The following NR6A1 variants were observed in gnomAD, a reference collection of about 807,000 sequenced individuals.
NR6A1 encodes the protein nuclear receptor subfamily 6 group A member 1.
NR6A1 carries 7 observed loss-of-function variants against 59.1 expected under a neutral mutation model. The ratio of observed to expected loss-of-function variants is 0.12; its 90% CI spans 0.07 to 0.22. The LOEUF is 0.22. NR6A1 is among the 10% of genes least tolerant of loss of function. The pLI is 1.00. For missense variants in NR6A1, 468 were observed against 611.6 expected (o/e 0.77, Z 2.48); for synonymous variants, 243 against 236.1 (o/e 1.03, Z -0.27).
chr9:124,523,510 A>G (rs1832850033), intron 9 of NR6A1, among the ~76,000 whole-genome samples: 1 of 150,882 alleles, frequency 6.6e-6, no homozygotes, highest in South Asian at 2.1e-4. Context: ...GGTGCAACTC[A>G]AACATTGATT....
At chr9:124,750,780 A>T (rs1457401165) in intron 1 of NR6A1, among the ~76,000 whole-genome samples, 2 of 152,102 alleles carry the variant, frequency 1.3e-5, no homozygotes, top group Non-Finnish European at 2.9e-5. Flanking sequence ...ATAAATAAAT[A>T]AATAAAAATC....
At chr9:124,738,877 C>G (rs1588843279) in intron 1 of NR6A1, among the ~76,000 whole-genome samples, 1 of 152,008 alleles carries the variant, frequency 6.6e-6, no homozygotes, top group Non-Finnish European at 1.5e-5. Flanking sequence ...GTGGCGCATG[C>G]TGTAGTCCTA....
At chr9:124,564,239 C>T (rs532057783) in intron 2 of NR6A1, among the ~76,000 whole-genome samples, 11 of 152,032 alleles carry the variant, frequency 7.2e-5, no homozygotes, top group African/African-American at 2.4e-4. Flanking sequence ...TCTGAAGAAA[C>T]CTATACCAAC....
At chr9:124,629,648 T>C (rs369354488) in intron 2 of NR6A1, among the ~76,000 whole-genome samples, 12 of 152,182 alleles carry the variant, frequency 7.9e-5, no homozygotes, top group African/African-American at 2.7e-4. Flanking sequence ...CCTCTCACTT[T>C]CTTGAGGTGT....
chr9:124,587,270 T>G (rs1834963503), intron 2 of NR6A1, among the ~76,000 whole-genome samples: 1 of 152,234 alleles, frequency 6.6e-6, no homozygotes, highest in South Asian at 2.1e-4. Context: ...AACTTTTATA[T>G]GCACTGAGAA....
chr9:124,649,227 C>A (rs2130917907), intron 2 of NR6A1, among the ~76,000 whole-genome samples: 1 of 106,658 alleles, frequency 9.4e-6, no homozygotes, highest in Non-Finnish European at 1.7e-5. Flanking sequence ...AAGTGTGGTA[C>A]TGGCACAAAA....
intron 2 of NR6A1, among the ~76,000 whole-genome samples, chr9:124,565,328 G>A (rs1276661870): frequency 6.6e-6 from 1 of 152,170 alleles, no homozygotes; most frequent in African/African-American, 2.4e-5. Context: ...CCAGGAGGCT[G>A]AGGCATGAGA....
chr9:124,608,114 A>G (rs1261700927), intron 2 of NR6A1, among the ~76,000 whole-genome samples: 2 of 152,174 alleles, frequency 1.3e-5, no homozygotes, highest in Non-Finnish European at 2.9e-5. Context: ...TGACAACCAG[A>G]AAACAAAATT....
chr9:124,764,981 G>GA (rs1341345949), intron 1 of NR6A1, among the ~76,000 whole-genome samples: 1 of 152,182 alleles, frequency 6.6e-6, no homozygotes, highest in East Asian at 1.9e-4. Context: ...TCCAGAAACA[G>GA]AAAAATATAC....
At position 124,681,193 on chromosome 9, in the gene NR6A1, C is replaced by A. The variant is rs144824400; in HGVS notation, c.142+52115G>T. On this transcript the variant is annotated intron_variant, in intron 2 of 9. Transcript: ENST00000487099. The stretch of plus-strand genomic sequence containing the variant: ...GTAAGCTGAACTAGCCCATTTTTTT[C>A]ATTGACTATCATTTTACTTACTAAA... 3.0e-3 allele frequency among the ~76,000 whole-genome samples: 460 copies of A among 152,220 alleles called. 2 individuals are homozygous for A. The highest frequency in any genetic ancestry group is 0.011 in the African/African-American group (441 of 41,552).
At chr9:124,691,430 T>G (rs1040705016) in intron 2 of NR6A1, among the ~76,000 whole-genome samples, 86 of 152,220 alleles carry the variant, frequency 5.6e-4, no homozygotes, top group African/African-American at 2.0e-3. Context: ...GAGATTAACT[T>G]CAATTCAGCA....
chr9:124,729,595 A>C (rs1839826237), intron 2 of NR6A1, among the ~76,000 whole-genome samples: 1 of 152,158 alleles, frequency 6.6e-6, no homozygotes, highest in Non-Finnish European at 1.5e-5. Context: ...AAAAAAATTA[A>C]ATTAAATAAA....
At chr9:124,527,360 C>T (rs1832967326) in intron 7 of NR6A1, among the ~76,000 whole-genome samples, 2 of 152,200 alleles carry the variant, frequency 1.3e-5, no homozygotes, top group East Asian at 1.9e-4. Context: ...CTCTGCCACA[C>T]TGCAAAAAAA....
rs34230438 is a variant in NR6A1 at position 124,584,299 on chromosome 9, G to C, written c.143-29729C>G. The stretch of plus-strand genomic sequence containing the variant: ...ATTTTTGAATTTTTAGTAGAGACGA[G>C]GTTTCACCTTGTTGGCAGGATGCTC... On this transcript the variant is annotated intron_variant, in intron 2 of 9. Coordinates refer to ENST00000487099, the MANE Select transcript of NR6A1 (RefSeq NM_033334.4). Among the ~76,000 whole-genome samples, 1,345 of 151,890 alleles carry C rather than the reference G, an allele frequency of 8.9e-3. 12 individuals carry two copies. Among genetic ancestry groups the C allele is most frequent in the Admixed American group, 0.02 (307 of 15,262 alleles).
intron 2 of NR6A1, among the ~76,000 whole-genome samples, chr9:124,587,331 C>T (rs1267400548): frequency 2.0e-5 from 3 of 152,108 alleles, no homozygotes; most frequent in Non-Finnish European, 2.9e-5. Flanking sequence ...GAACCAAACT[C>T]GCAATATCTC....
chr9:124,690,248 CTACT>C (rs1322664246), intron 2 of NR6A1, among the ~76,000 whole-genome samples: 2 of 152,182 alleles, frequency 1.3e-5, no homozygotes, highest in Non-Finnish European at 1.5e-5. Context: ...AGCAAACATG[CTACT>C]AATCATCCAG....
Position 124,620,955 on chromosome 9 carries a change from G to T in NR6A1, c.143-66385C>A, listed in dbSNP as rs148388062. On this transcript the variant is annotated intron_variant, in intron 2 of 9. Coordinates refer to ENST00000487099, the MANE Select transcript of NR6A1 (RefSeq NM_033334.4). The stretch of plus-strand genomic sequence containing the variant: ...CTATCATGTGAGGCAGACAGAGTAG[G>T]GACCATGCTCTTTGGAGAAAAAAGA... 8.5e-5 allele frequency among the ~76,000 whole-genome samples: 13 copies of T among 152,214 alleles called. No individual in the cohort carries two copies. In the East Asian group the frequency reaches 2.5e-3, roughly 29 times the overall value.
At chr9:124,533,655 CTT>C (rs777380904) in intron 7 of NR6A1, among the ~76,000 whole-genome samples, 3 of 146,498 alleles carry the variant, frequency 2.0e-5, no homozygotes, top group Non-Finnish European at 3.0e-5. Context: ...ATAGGGGCAC[CTT>C]TTTTTTTTTT....
intron 2 of NR6A1, among the ~76,000 whole-genome samples, chr9:124,666,711 A>C (rs879886961): frequency 1.3e-5 from 2 of 152,196 alleles, no homozygotes; most frequent in African/African-American, 4.8e-5. Context: ...CATTCAAAGG[A>C]TATCTGTTGA....
Sources: allele counts gnomAD v4.1 joint callset (sites outside exome capture counted in the v4.1 genomes callset), GRCh38; gene constraint gnomAD v4.1.1; transcripts MANE v1.5; gene names NCBI Gene and HGNC (gene_info 2026-07-23, HGNC 2026-07-21).